Variants in PREP observed in about 807,000 individuals in gnomAD.
PREP encodes the protein prolyl endopeptidase.
A neutral mutation model predicts 87.6 loss-of-function variants in PREP; 29 were observed. The ratio of observed to expected loss-of-function variants is 0.33; its 90% CI spans 0.25 to 0.45. The LOEUF (loss-of-function observed/expected upper bound fraction) is 0.45, where lower values mean the gene tolerates loss of function less well. Ranked by LOEUF, PREP falls within the 20% of genes least tolerant of loss-of-function variation. The pLI, the probability that PREP is intolerant of heterozygous loss-of-function variation, is 1.00. For missense variants in PREP, 695 were observed against 886.5 expected, an observed-to-expected ratio of 0.78 and a Z score of 2.74; for synonymous variants, 337 against 328.6, an observed-to-expected ratio of 1.03 and a Z score of -0.28.
At chr6:105,302,523 T>G in intron 10 of PREP, 1 of 394,298 alleles carries the variant, frequency 2.5e-6, no homozygotes, top group Non-Finnish European at 5.0e-6. Flanking sequence ...GGTCTTCAGG[T>G]TCTCCTCGTG....
chr6:105,317,393 G>A (rs1169272513), intron 10 of PREP, among the ~76,000 whole-genome samples: 1 of 152,182 alleles, frequency 6.6e-6, no homozygotes, highest in Non-Finnish European at 1.5e-5. Flanking sequence ...TGTTAACAGT[G>A]TAACCTCTGT....
chr6:105,378,485 T>C (rs1334882548), intron 2 of PREP, among the ~76,000 whole-genome samples: 2 of 152,110 alleles, frequency 1.3e-5, no homozygotes, highest in South Asian at 2.1e-4. Context: ...AAAAAACACC[T>C]GAAACAAGTG....
intron 2 of PREP, among the ~76,000 whole-genome samples, chr6:105,390,404 G>A (rs1172268540): frequency 2.0e-5 from 3 of 152,160 alleles, no homozygotes; most frequent in African/African-American, 4.8e-5. Context: ...GTCTGTGAAG[G>A]AAATGGAGTT....
At chr6:105,360,380 G>C (rs1018369369) in intron 6 of PREP, among the ~76,000 whole-genome samples, 2 of 152,182 alleles carry the variant, frequency 1.3e-5, no homozygotes, top group East Asian at 1.9e-4. Context: ...TTTTATGCTA[G>C]CCTGAGGAAA....
At chr6:105,386,558 T>C (rs187376182) in intron 2 of PREP, among the ~76,000 whole-genome samples, 19 of 152,228 alleles carry the variant, frequency 1.2e-4, no homozygotes, top group African/African-American at 3.9e-4. Flanking sequence ...ATGAAAAAAA[T>C]TGGAACCATT....
chr6:105,356,497 C>T (rs1051922241), intron 6 of PREP, among the ~76,000 whole-genome samples: 3 of 152,212 alleles, frequency 2.0e-5, no homozygotes, highest in African/African-American at 7.2e-5. Flanking sequence ...AAGGCAGATA[C>T]CTGAAACTCT....
intron 11 of PREP, 95 bp downstream of exon 11, chr6:105,288,663 G>A: frequency 6.7e-7 from 1 of 1,485,944 alleles, no homozygotes; most frequent in Non-Finnish European, 9.1e-7. Flanking sequence ...GGCCAGTAAT[G>A]TATTTTAGAA....
intron 9 of PREP, among the ~76,000 whole-genome samples, chr6:105,327,796 T>G (rs1440868016): frequency 6.6e-6 from 1 of 152,196 alleles, no homozygotes; most frequent in Non-Finnish European, 1.5e-5. Flanking sequence ...CAGATTGCTT[T>G]TAGGACAGGG....
intron 10 of PREP, among the ~76,000 whole-genome samples, chr6:105,293,181 G>A (rs957411803): frequency 6.6e-6 from 1 of 152,198 alleles, no homozygotes; most frequent in Non-Finnish European, 1.5e-5. Flanking sequence ...CAGGCCTCTT[G>A]CACATTCCTT....
chr6:105,326,559 CT>C (rs1425531006), intron 9 of PREP, among the ~76,000 whole-genome samples: 1 of 152,190 alleles, frequency 6.6e-6, no homozygotes, highest in East Asian at 1.9e-4. Flanking sequence ...GACCCTGGGG[CT>C]TTACATATAA....
chr6:105,403,021 G>GGCTCACGGCCA lies in PREP; in HGVS notation c.-141_-131dup, dbSNP rs1773477392. The GGCTCACGGCCA allele has an allele frequency of 1.2e-5, 4 of 340,356 alleles. No homozygotes were observed. The highest frequency in any genetic ancestry group is 2.0e-5 in the Non-Finnish European group (4 of 197,110). The allele number at this position is 340,356 out of a possible 1,614,324, so 21.1% of individuals were successfully genotyped here. A position where few individuals can be genotyped will look rare whatever the true frequency, so the allele number is the denominator to read the frequency against. ...GGGCGGCCGGCGGCAGCGGGCGGCCGGCTCACGGCCAGAGCTAGCACAAAC... is the reference window on the plus strand; with the variant it reads ...GGGCGGCCGGCGGCAGCGGGCGGCCGGCTCACGGCCAGCTCACGGCCAGAGCTAGCACAAAC... On this transcript the variant is annotated 5_prime_UTR_variant, in exon 1 of 15. Coordinates refer to ENST00000652536, the MANE Select transcript of PREP (RefSeq NM_002726.5).
At chr6:105,283,757 T>C (rs1770129657) in intron 12 of PREP, among the ~76,000 whole-genome samples, 1 of 152,216 alleles carries the variant, frequency 6.6e-6, no homozygotes, top group Admixed American at 6.5e-5. Context: ...AGGAAGTTTA[T>C]AAATCAGTCT....
At chr6:105,295,463 T>C (rs531043061) in intron 10 of PREP, among the ~76,000 whole-genome samples, 12 of 152,232 alleles carry the variant, frequency 7.9e-5, no homozygotes, top group Non-Finnish European at 1.5e-5. Flanking sequence ...TATCACCCTG[T>C]CTGCCTCTTA....
Position 105,373,536 on chromosome 6 carries a change from A to G in PREP, c.428T>C (p.Leu143Pro). The G allele has an allele frequency of 6.2e-7, 1 of 1,614,228 alleles. No homozygotes were observed. Among genetic ancestry groups the G allele is most frequent in the Non-Finnish European group, 8.5e-7 (1 of 1,180,030 alleles). ...CACCCAGTCTGAGCCACTGGCACTC[A>G]GACCATAGGCAAAATATTCACCATC... The part of the protein sequence containing the change: ...SEDGEYFAYG[L>P]SASGSDWVTI... Residue 143 changes from leucine to proline, a missense_variant, in exon 5 of 15, where the codon CTG (leucine) becomes CCG (proline). This residue lies in a region of PREP where 517 missense variants were observed against 620.3 expected (regional missense o/e 0.83). Coordinates refer to ENST00000652536, the MANE Select transcript of PREP (RefSeq NM_002726.5).
At chr6:105,311,372 T>C (rs1023757805) in intron 10 of PREP, among the ~76,000 whole-genome samples, 1 of 152,130 alleles carries the variant, frequency 6.6e-6, no homozygotes, top group Admixed American at 6.5e-5. Context: ...ACTGGGCTTC[T>C]CTTAGGTCCT....
At chr6:105,374,743 T>C (rs111826310) in intron 4 of PREP, among the ~76,000 whole-genome samples, 2 of 145,748 alleles carry the variant, frequency 1.4e-5, no homozygotes, top group African/African-American at 5.0e-5. Context: ...TTGAAAAGTA[T>C]GTTTAAAAAT....
chr6:105,362,182 T>C (rs1368212495), intron 6 of PREP, among the ~76,000 whole-genome samples: 1 of 152,204 alleles, frequency 6.6e-6, no homozygotes, highest in Non-Finnish European at 1.5e-5. Flanking sequence ...CTGTTGGGGT[T>C]GGGTGTGGTG....
At chr6:105,383,678 C>T (rs767601680) in intron 2 of PREP, among the ~76,000 whole-genome samples, 1 of 152,098 alleles carries the variant, frequency 6.6e-6, no homozygotes, top group African/African-American at 2.4e-5. Flanking sequence ...TGCTTGTCCC[C>T]GTGTGGGTAA....
intron 14 of PREP, 200 bp downstream of exon 14, chr6:105,281,546 A>C (rs1448900137): frequency 1.2e-5 from 7 of 591,794 alleles, no homozygotes; most frequent in Non-Finnish European, 1.6e-5. Context: ...CTGCCCTACC[A>C]CATTTTTTGT....
Sources: gnomAD v4.1 joint callset for allele counts (sites outside exome capture counted in the v4.1 genomes callset) on GRCh38, gnomAD v4.1.1 for gene constraint, gnomAD v4.1.1 regional missense constraint, MANE v1.5 for transcripts, NCBI Gene and HGNC (gene_info 2026-07-23, HGNC 2026-07-21) for gene names.